PLA2G4A: variants seen among roughly 807,000 people sequenced by gnomAD.
PLA2G4A encodes the protein phospholipase A2 group IVA.
PLA2G4A carries 40 observed loss-of-function variants against 81.9 expected under a neutral mutation model. The ratio of observed to expected loss-of-function variants is 0.49; its 90% confidence interval spans 0.38 to 0.64. PLA2G4A has a LOEUF of 0.64. Among genes scored for constraint, PLA2G4A ranks in the 30% least tolerant of loss-of-function variants. The pLI, the probability that PLA2G4A is intolerant of heterozygous loss-of-function variation, is 0.00. For missense variants in PLA2G4A, 715 were observed against 905.1 expected, an observed-to-expected ratio of 0.79 and a Z score of 2.69; for synonymous variants, 302 against 296.9, an observed-to-expected ratio of 1.02 and a Z score of -0.18.
At chr1:186,966,127 A>T (rs988080750) in intron 15 of PLA2G4A, among the ~76,000 whole-genome samples, 18 of 146,790 alleles carry the variant, frequency 1.2e-4, no homozygotes, top group Non-Finnish European at 2.5e-4. Flanking sequence ...TTAAAAAAAA[A>T]AAAAAAAAAA....
intron 7 of PLA2G4A, among the ~76,000 whole-genome samples, chr1:186,932,144 T>C (rs1655767827): frequency 6.6e-6 from 1 of 152,196 alleles, no homozygotes; most frequent in Non-Finnish European, 1.5e-5. Flanking sequence ...ACAATGTCCC[T>C]GAAAGCAAGC....
At position 186,958,228 on chromosome 1, in the gene PLA2G4A, GATTCACTATGTT is replaced by G. The variant is rs1315178738; in HGVS notation, c.1579+1887_1579+1898del. 2.0e-5 allele frequency among the ~76,000 whole-genome samples: 3 copies of G among 152,056 alleles called. No individual in the cohort carries two copies. The East Asian group carries it at 5.8e-4, about 29-fold the overall frequency. ...GATTATATACCGGTAATCCCAACAG[GATTCACTATGTT>G]ATATAGCATATTAACTAATATATTA... On this transcript the variant is annotated intron_variant, in intron 14 of 17. Transcript: ENST00000367466.
intron 13 of PLA2G4A, among the ~76,000 whole-genome samples, chr1:186,952,085 T>C (rs1656580102): frequency 6.6e-6 from 1 of 152,204 alleles, no homozygotes; most frequent in Admixed American, 6.5e-5. Flanking sequence ...TTGTTTTGAA[T>C]TTCCTTTTAA....
chr1:186,862,957 A>G (rs549506894), intron 2 of PLA2G4A, among the ~76,000 whole-genome samples: 3 of 152,188 alleles, frequency 2.0e-5, no homozygotes, highest in Non-Finnish European at 4.4e-5. Flanking sequence ...GTGTGATGCT[A>G]TAGATATTTA....
chr1:186,849,749 T>C (rs1652309172), intron 1 of PLA2G4A, among the ~76,000 whole-genome samples: 1 of 152,140 alleles, frequency 6.6e-6, no homozygotes, highest in Non-Finnish European at 1.5e-5. Context: ...TTCCAATTGT[T>C]TCTTTTATTT....
At chr1:186,891,112 A>T (rs7555537) in intron 3 of PLA2G4A, among the ~76,000 whole-genome samples, 2,080 of 151,684 alleles carry the variant, frequency 0.014, 45 homozygotes, top group African/African-American at 0.046. Flanking sequence ...TCTTTTTTTT[A>T]AAAAAAAGTA....
intron 3 of PLA2G4A, among the ~76,000 whole-genome samples, chr1:186,878,046 A>C (rs1471446926): frequency 1.3e-5 from 2 of 148,574 alleles, no homozygotes; most frequent in Non-Finnish European, 3.0e-5. Context: ...TTTATAAATG[A>C]CATTGCTGTT....
intron 7 of PLA2G4A, among the ~76,000 whole-genome samples, chr1:186,923,959 T>C (rs1655453190): frequency 6.6e-6 from 1 of 152,224 alleles, no homozygotes. Flanking sequence ...CATTTCTTGC[T>C]ATAAAATTGA....
chr1:186,840,519 G>A (rs978758171), intron 1 of PLA2G4A, among the ~76,000 whole-genome samples: 4 of 152,108 alleles, frequency 2.6e-5, no homozygotes, highest in Non-Finnish European at 1.5e-5. Flanking sequence ...CCTGGAAGCA[G>A]GTGTACACCC....
At chr1:186,970,040 G>A (rs1571455950) in intron 15 of PLA2G4A, among the ~76,000 whole-genome samples, 1 of 151,780 alleles carries the variant, frequency 6.6e-6, no homozygotes, top group African/African-American at 2.4e-5. Context: ...CATGTAGGAG[G>A]GTTCCCCTTT....
intron 16 of PLA2G4A, 122 bp downstream of exon 16, chr1:186,977,910 C>A: frequency 1.3e-6 from 1 of 744,108 alleles, no homozygotes; most frequent in Non-Finnish European, 2.4e-6. Context: ...CTTCCCTTAC[C>A]TTGATAAATA....
intron 2 of PLA2G4A, among the ~76,000 whole-genome samples, chr1:186,860,260 G>A (rs1210864791): frequency 6.6e-6 from 1 of 151,970 alleles, no homozygotes; most frequent in Non-Finnish European, 1.5e-5. Flanking sequence ...TTAATGATTG[G>A]CTCACACAAT....
intron 5 of PLA2G4A, among the ~76,000 whole-genome samples, chr1:186,906,221 T>C (rs1203578097): frequency 6.6e-6 from 1 of 152,220 alleles, no homozygotes; most frequent in Non-Finnish European, 1.5e-5. Flanking sequence ...ACGCCAGGGA[T>C]AATATTGAAA....
At chr1:186,956,594 A>T (rs946384068) in intron 14 of PLA2G4A, among the ~76,000 whole-genome samples, 2 of 152,050 alleles carry the variant, frequency 1.3e-5, no homozygotes, top group African/African-American at 2.4e-5. Context: ...GGCTCACCGC[A>T]TCCTTAATTC....
chr1:186,959,969 A>G (rs1399819722), intron 14 of PLA2G4A, among the ~76,000 whole-genome samples: 1 of 152,134 alleles, frequency 6.6e-6, no homozygotes, highest in Non-Finnish European at 1.5e-5. Flanking sequence ...ACCTATGATG[A>G]TTTTGTTTAT....
At chr1:186,956,019 C>T (rs1008254961) in intron 13 of PLA2G4A, 83 bp from the exon 14 acceptor site, 21 of 1,228,922 alleles carry the variant, frequency 1.7e-5, no homozygotes, top group East Asian at 7.0e-5. Flanking sequence ...GGATTACAGG[C>T]GTGAGCCACC....
At chr1:186,939,413 A>C (rs564014700) in intron 9 of PLA2G4A, among the ~76,000 whole-genome samples, 183 bp downstream of exon 9, 2 of 152,076 alleles carry the variant, frequency 1.3e-5, no homozygotes, top group South Asian at 4.2e-4. Context: ...CTACCTTTCA[A>C]ACTAGTGCTT....
chr1:186,936,402 C>T (rs373211568), intron 8 of PLA2G4A, among the ~76,000 whole-genome samples: 1 of 151,998 alleles, frequency 6.6e-6, no homozygotes, highest in Non-Finnish European at 1.5e-5. Context: ...TTACCTAGCA[C>T]AGTGCCTGAC....
intron 17 of PLA2G4A, among the ~76,000 whole-genome samples, chr1:186,980,120 T>C (rs947736193): frequency 1.7e-4 from 26 of 151,956 alleles, no homozygotes; most frequent in African/African-American, 6.3e-4. Context: ...GCTAATTTTT[T>C]TGTGTTTGTA....
Sources: gnomAD v4.1 joint callset for allele counts (sites outside exome capture counted in the v4.1 genomes callset) on GRCh38, gnomAD v4.1.1 for gene constraint, MANE v1.5 for transcripts, NCBI Gene and HGNC (gene_info 2026-07-23, HGNC 2026-07-21) for gene names.